CEACAM18: variants seen among roughly 807,000 people sequenced by gnomAD.
CEACAM18 encodes CEA cell adhesion molecule 18.
Under a neutral mutation model 34.3 loss-of-function variants are expected in CEACAM18, and 33 were observed. That is an observed-to-expected ratio of 0.96 (90% CI 0.73 to 1.29). The LOEUF (loss-of-function observed/expected upper bound fraction) is 1.29. Ranked by LOEUF, CEACAM18 falls within the 50% of genes most tolerant of loss-of-function variation. The pLI is 0.00. For synonymous variants in CEACAM18, 169 were observed against 180.9 expected (o/e 0.93, Z 0.53); for missense variants, 474 against 485.0 (o/e 0.98, Z 0.21).
intron 4 of CEACAM18, 113 bp from the exon 5 acceptor site, chr19:51,484,874 A>T: frequency 7.6e-7 from 1 of 1,313,136 alleles, no homozygotes. Context: ...TGCTTTGCTG[A>T]TAATAGATGT....
chr19:51,483,258 G>T (rs1392657889), exon 4 of CEACAM18: 1 of 1,613,924 alleles, frequency 6.2e-7, no homozygotes, highest in Non-Finnish European at 8.5e-7. Context: ...TGACACAGCT[G>T]ATCATGTACA....
At chr19:51,481,718 T>C in intron 3 of CEACAM18, 53 bp downstream of exon 3, 1 of 1,556,856 alleles carries the variant, frequency 6.4e-7, no homozygotes, top group Non-Finnish European at 8.7e-7. Flanking sequence ...CAGGGCTTTC[T>C]AGGGATAGGA....
At chr19:51,481,156 G>A (rs1989908474) in intron 2 of CEACAM18, among the ~76,000 whole-genome samples, 2 of 152,210 alleles carry the variant, frequency 1.3e-5, no homozygotes, top group South Asian at 4.1e-4. Context: ...TTTATGCCAA[G>A]AGCTCACCAT....
At chr19:51,484,936 G>T (rs2122188290) in intron 4 of CEACAM18, 51 bp from the exon 5 acceptor site, 2 of 1,534,360 alleles carry the variant, frequency 1.3e-6, no homozygotes, top group South Asian at 2.4e-5. Context: ...ATGAGTGAAT[G>T]CATGAATGGG....
chr19:51,481,322 C>T, intron 2 of CEACAM18, 71 bp from the exon 3 acceptor site: 3 of 1,490,976 alleles, frequency 2.0e-6, no homozygotes, highest in Non-Finnish European at 2.7e-6. Flanking sequence ...CCCAGAAGTC[C>T]CCTGGAGAGG....
At chr19:51,488,115 A>G (rs1030780045) in intron 5 of CEACAM18, among the ~76,000 whole-genome samples, 1 of 152,194 alleles carries the variant, frequency 6.6e-6, no homozygotes, top group Non-Finnish European at 1.5e-5. Flanking sequence ...AACCCCAGGA[A>G]CTATGCTGCA....
In CEACAM18 at chr19:51,486,721, TTC is replaced by T. The variant is rs1179567410; in HGVS notation, c.1089+1601_1089+1602del. Among the ~76,000 whole-genome samples the T allele has an allele frequency of 4.4e-3, 614 of 139,352 alleles. 5 individuals are homozygous for T. The highest frequency in any genetic ancestry group is 0.016 in the African/African-American group (584 of 35,422). The allele number at this position is 139,352 out of a possible 152,430, so 91.4% of individuals were successfully genotyped here. On this transcript the variant is annotated intron_variant, in intron 5 of 5. Coordinates refer to ENST00000396477, the Ensembl canonical transcript of CEACAM18. ...CTTTTTCTTTCTTTCTTTCTTTTCT[TTC>T]TTTTTTTTTTTTTATATGGAGTCTC...
chr19:51,481,487 C>T, exon 3 of CEACAM18: 1 of 1,614,030 alleles, frequency 6.2e-7, no homozygotes, highest in Non-Finnish European at 8.5e-7. Context: ...ATGTCACCAA[C>T]ATCACGTGGT....
chr19:51,484,871 C>A, intron 4 of CEACAM18, 116 bp from the exon 5 acceptor site: 2 of 1,286,704 alleles, frequency 1.6e-6, no homozygotes, highest in Non-Finnish European at 2.2e-6. Flanking sequence ...CAGTGCTTTG[C>A]TGATAATAGA....
upstream of CEACAM18, chr19:51,478,568 C>A (rs1599940615): frequency 3.0e-6 from 4 of 1,341,584 alleles, no homozygotes; most frequent in East Asian, 2.5e-5. Flanking sequence ...CCAGGAGACA[C>A]AGGTCTTGGA....
intron 1 of CEACAM18, 100 bp from the exon 2 acceptor site, chr19:51,480,233 C>A: frequency 1.0e-6 from 1 of 1,002,180 alleles, no homozygotes; most frequent in Non-Finnish European, 1.4e-6. Context: ...ACCAGCGTCT[C>A]TGGGAATCGT....
intron 5 of CEACAM18, among the ~76,000 whole-genome samples, chr19:51,488,037 A>G (rs1990033868): frequency 6.6e-6 from 1 of 152,188 alleles, no homozygotes; most frequent in Non-Finnish European, 1.5e-5. Context: ...AAGAGTAAAA[A>G]CAAAACCAAA....
At chr19:51,478,742 G>A in intron 1 of CEACAM18, 48 bp downstream of exon 1, 1 of 1,288,436 alleles carries the variant, frequency 7.8e-7, no homozygotes, top group Non-Finnish European at 1.0e-6. Context: ...TGAGGGAAGG[G>A]CAGCTAGGAG....
intron 1 of CEACAM18, among the ~76,000 whole-genome samples, chr19:51,479,917 G>C (rs1187262326): frequency 6.6e-6 from 1 of 152,182 alleles, no homozygotes; most frequent in Non-Finnish European, 1.5e-5. Context: ...ACCACAAGGA[G>C]GCTCGATGAG....
At chr19:51,480,160 G>A (rs966009873) in intron 1 of CEACAM18, among the ~76,000 whole-genome samples, 173 bp from the exon 2 acceptor site, 2 of 152,134 alleles carry the variant, frequency 1.3e-5, no homozygotes, top group Non-Finnish European at 2.9e-5. Context: ...CAGGGGCTGA[G>A]GGGAGGCACA....
intron 5 of CEACAM18, among the ~76,000 whole-genome samples, chr19:51,486,155 G>T (rs149952056): frequency 5.3e-5 from 8 of 152,266 alleles, no homozygotes; most frequent in Non-Finnish European, 8.8e-5. Context: ...TGGTGATGAT[G>T]ATGATGACAA....
rs751348703 is a variant in CEACAM18, at chr19:51,480,698, G to A, written c.400+18G>A. 3.1e-5 allele frequency: 50 copies of A among 1,595,850 alleles called. 1 individual carries two copies. In the South Asian group the frequency reaches 5.2e-4, roughly 17 times the overall value. On this transcript the variant is annotated intron_variant, in intron 2 of 5. Transcript: ENST00000396477. ...GGTTCTAGGTGGGTTAGCAGGTGCT[G>A]TGTTTCCCAACCCCCAAGGAGAGCT...
chr19:51,484,792 A>G (rs73558846), intron 4 of CEACAM18, among the ~76,000 whole-genome samples, 195 bp from the exon 5 acceptor site: 4,929 of 136,796 alleles, frequency 0.036, 154 homozygotes, highest in African/African-American at 0.085. Flanking sequence ...TCCACTTCCC[A>G]GCTAGAATGT....
At chr19:51,485,065 G>A in exon 5 of CEACAM18, 1 of 1,535,840 alleles carries the variant, frequency 6.5e-7, no homozygotes, top group African/African-American at 1.4e-5. Context: ...ACAGTGCTGG[G>A]TGGCGTTTAC....
Sources: gnomAD v4.1 joint callset for allele counts (sites outside exome capture counted in the v4.1 genomes callset) on GRCh38, gnomAD v4.1.1 for gene constraint, MANE v1.5 for transcripts, NCBI Gene and HGNC (gene_info 2026-07-23, HGNC 2026-07-21) for gene names.